The following STK3 variants were observed in gnomAD, a reference collection of about 807,000 sequenced individuals.
The protein encoded by STK3 is serine/threonine kinase 3.
In STK3, 41 loss-of-function variants were observed where a neutral mutation model predicts 58.0. The ratio of observed to expected loss-of-function variants is 0.71; its 90% CI spans 0.55 to 0.92. STK3 has a LOEUF of 0.92. Ranked by LOEUF, STK3 falls within the 40% of genes least tolerant of loss-of-function variation. The probability of loss-of-function intolerance (pLI) is 0.00; values close to 1 mark genes in which losing one functional copy is unlikely to be tolerated. For missense variants in STK3, 479 were observed against 602.7 expected, an observed-to-expected ratio of 0.79 and a Z score of 2.15; for synonymous variants, 170 against 191.0, an observed-to-expected ratio of 0.89 and a Z score of 0.91.
the STK3 span, among the ~76,000 whole-genome samples, chr8:98,360,130 G>T: frequency 6.6e-6 from 1 of 152,052 alleles, no homozygotes; most frequent in Non-Finnish European, 1.5e-5. Flanking sequence ...ACTTACCTTC[G>T]GGGTCTTTGC....
At chr8:98,346,685 T>C in the STK3 span, among the ~76,000 whole-genome samples, 1 of 151,798 alleles carries the variant, frequency 6.6e-6, no homozygotes, top group Non-Finnish European at 1.5e-5. Flanking sequence ...TGTATCAATC[T>C]AGAATACTAT....
At chr8:98,895,091 C>G (rs948569588) in intron 1 of STK3, among the ~76,000 whole-genome samples, 15 of 152,166 alleles carry the variant, frequency 9.9e-5, no homozygotes, top group Non-Finnish European at 4.4e-5. Context: ...CACTGAAGAT[C>G]ATTCTTCACG....
intron 3 of STK3, among the ~76,000 whole-genome samples, chr8:98,405,208 A>AG (rs1817982527): frequency 6.6e-6 from 1 of 152,218 alleles, no homozygotes; most frequent in South Asian, 2.1e-4. Flanking sequence ...CAAGTCTACT[A>AG]ATCCCCATAA....
chr8:98,855,819 G>A (rs1000476843), intron 3 of STK3, among the ~76,000 whole-genome samples: 1 of 152,018 alleles, frequency 6.6e-6, no homozygotes, highest in African/African-American at 2.4e-5. Flanking sequence ...TCAGGAGTCT[G>A]AGACAAGCTT....
At chr8:98,510,469 A>T (rs79234963) in intron 10 of STK3, among the ~76,000 whole-genome samples, 113 of 145,684 alleles carry the variant, frequency 7.8e-4, no homozygotes, top group Middle Eastern at 7.0e-3. Flanking sequence ...GTTTTTTTTT[A>T]AAACTGTAAA....
intron 1 of STK3, among the ~76,000 whole-genome samples, chr8:98,902,063 G>A (rs1414764748): frequency 6.6e-6 from 1 of 152,042 alleles, no homozygotes. Flanking sequence ...TATTCTCTTG[G>A]CTGCCATGAT....
At chr8:98,362,899 G>A in the STK3 span, among the ~76,000 whole-genome samples, 1 of 152,072 alleles carries the variant, frequency 6.6e-6, no homozygotes, top group Non-Finnish European at 1.5e-5. Context: ...GTCTAATTTG[G>A]GTCAGCAAAT....
intron 1 of STK3, among the ~76,000 whole-genome samples, chr8:98,934,949 A>T (rs1840141706): frequency 1.3e-5 from 2 of 152,206 alleles, no homozygotes; most frequent in South Asian, 4.1e-4. Context: ...AAATAAAATA[A>T]CATGACATAT....
At chr8:98,669,609 C>T (rs1822655931) in intron 6 of STK3, among the ~76,000 whole-genome samples, 1 of 152,168 alleles carries the variant, frequency 6.6e-6, no homozygotes, top group Non-Finnish European at 1.5e-5. Flanking sequence ...CATGTTCTAA[C>T]ATGTTCTCTT....
chr8:98,626,782 T>C (rs2130454536), intron 6 of STK3, among the ~76,000 whole-genome samples: 1 of 152,338 alleles, frequency 6.6e-6, no homozygotes, highest in Admixed American at 6.5e-5. Flanking sequence ...AGAAATTTTC[T>C]TGATCTCACC....
In STK3 at chr8:98,715,716, C is replaced by T. The variant is rs999390342; in HGVS notation, c.352-8405G>A. 1.1e-4 allele frequency among the ~76,000 whole-genome samples: 16 copies of T among 152,254 alleles called. No individual in the cohort carries two copies. In the Middle Eastern group the frequency reaches 0.01, roughly 97 times the overall value. On this transcript the variant is annotated intron_variant, in intron 4 of 10. Transcript: ENST00000419617. ...AAACTAGTTCAACCATTGTGGAAGT[C>T]GGTGTGGCGATTCCTCAGGGATCTA...
chr8:98,842,484 TGGGCAACATGGG>T (rs1836031501), intron 3 of STK3, among the ~76,000 whole-genome samples: 1 of 152,154 alleles, frequency 6.6e-6, no homozygotes, highest in African/African-American at 2.4e-5. Flanking sequence ...GAAAACAGCC[TGGGCAACATGGG>T]GAAATCAAGT....
chr8:98,457,412 T>C (rs1346636471), intron 10 of STK3, among the ~76,000 whole-genome samples: 1 of 152,196 alleles, frequency 6.6e-6, no homozygotes, highest in Non-Finnish European at 1.5e-5. Context: ...AAGAAAGACA[T>C]GCCCAACTAT....
downstream of STK3, among the ~76,000 whole-genome samples, chr8:98,399,464 G>C (rs1045752281): frequency 6.6e-6 from 1 of 152,232 alleles, no homozygotes; most frequent in South Asian, 2.1e-4. Flanking sequence ...GCCTGGCCAC[G>C]GCAGGGAAGG....
chr8:98,681,634 A>T (rs1260655397), intron 6 of STK3, among the ~76,000 whole-genome samples: 1 of 152,202 alleles, frequency 6.6e-6, no homozygotes, highest in Non-Finnish European at 1.5e-5. Context: ...GAAATATACT[A>T]GTGTCACTCA....
At chr8:98,758,693 T>G (rs1390140514) in intron 3 of STK3, among the ~76,000 whole-genome samples, 1 of 152,216 alleles carries the variant, frequency 6.6e-6, no homozygotes, top group Admixed American at 6.5e-5. Context: ...AAGTCCTAGA[T>G]GGCATCTCCT....
the STK3 span, among the ~76,000 whole-genome samples, chr8:98,344,806 T>C: frequency 1.5e-5 from 2 of 135,600 alleles, no homozygotes; most frequent in African/African-American, 2.8e-5. Flanking sequence ...GGCAGGAGAA[T>C]GGCGTGAACC....
At chr8:98,908,843 CAAAAAA>C (rs1187304586) in intron 1 of STK3, among the ~76,000 whole-genome samples, 1 of 60,456 alleles carries the variant, frequency 1.7e-5, no homozygotes, top group Non-Finnish European at 3.4e-5. Context: ...GACTTCTTCT[CAAAAAA>C]AAAAAAAAAA....
intron 6 of STK3, among the ~76,000 whole-genome samples, chr8:98,696,861 G>A (rs917113607): frequency 2.6e-5 from 4 of 152,098 alleles, no homozygotes; most frequent in Admixed American, 6.5e-5. Flanking sequence ...TCAGGATGAC[G>A]CTGGCCTCAT....
Sources: gnomAD v4.1 joint callset for allele counts (sites outside exome capture counted in the v4.1 genomes callset) on GRCh38, gnomAD v4.1.1 for gene constraint, MANE v1.5 for transcripts, NCBI Gene and HGNC (gene_info 2026-07-23, HGNC 2026-07-21) for gene names.